Variants in DAGLB observed in about 807,000 individuals in gnomAD.
DAGLB encodes the protein diacylglycerol lipase beta.
In DAGLB, 66 loss-of-function variants were observed where a neutral mutation model predicts 72.1. The observed-to-expected ratio is 0.92, with a 90% CI of 0.75 to 1.12. DAGLB has a LOEUF of 1.12. DAGLB is among the 50% of genes most tolerant of loss of function. DAGLB has a pLI of 0.00. For missense variants in DAGLB, 1,065 were observed against 884.9 expected (o/e 1.20, Z -2.58); for synonymous variants, 414 against 359.5 (o/e 1.15, Z -1.71).
At chr7:6,412,941 T>C (rs774065317) in intron 12 of DAGLB, 25 bp downstream of exon 12, 1 of 1,613,680 alleles carries the variant, frequency 6.2e-7, no homozygotes, top group Non-Finnish European at 8.5e-7. Context: ...CCCCCAGCCC[T>C]GGGCACAGCA....
In DAGLB at chr7:6,445,945, CTT is replaced by C; in HGVS notation, c.247+6_247+7del. On this transcript the variant is annotated splice_donor_region_variant and intron_variant, in intron 2 of 14. Coordinates refer to ENST00000297056, the MANE Select transcript of DAGLB (RefSeq NM_139179.4). ...AATAGGTATCAAATAGAAAAGGCTACTTTTTACCTCTCATGCTGACACACATG... is the reference window on the plus strand; with the variant it reads ...AATAGGTATCAAATAGAAAAGGCTACTTTACCTCTCATGCTGACACACATG... The C allele has an allele frequency of 6.3e-7, 1 of 1,579,792 alleles. No homozygotes were observed. Among genetic ancestry groups the C allele is most frequent in the South Asian group, 1.2e-5 (1 of 86,818 alleles).
intron 14 of DAGLB, 43 bp downstream of exon 14, chr7:6,410,087 C>A: frequency 6.3e-7 from 1 of 1,585,328 alleles, no homozygotes; most frequent in South Asian, 1.2e-5. Flanking sequence ...GCTGACCCCG[C>A]GCTGCTCCTG....
chr7:6,417,253 T>G, intron 9 of DAGLB: 1 of 179,426 alleles, frequency 5.6e-6, no homozygotes, highest in East Asian at 1.7e-4. Flanking sequence ...GCCTGGATCC[T>G]GACTCTACTA....
intron 6 of DAGLB, among the ~76,000 whole-genome samples, chr7:6,429,109 C>T (rs1784401176): frequency 6.6e-6 from 1 of 151,956 alleles, no homozygotes. Context: ...CGGCCTGGGA[C>T]AAGATATTTA....
chr7:6,417,020 C>G (rs1320508935), intron 9 of DAGLB, 99 bp from the exon 10 acceptor site: 15 of 1,363,494 alleles, frequency 1.1e-5, no homozygotes, highest in Admixed American at 3.7e-5. Context: ...ATGTGTGAGT[C>G]TCTCCTGGGA....
Position 6,432,865 on chromosome 7 carries a change from A to C in DAGLB, c.773T>G (p.Val258Gly). ...GGAGCTCCCTGGGGCATGGCAGACCACCTGGGCAGGCTCTTGGTTGTTCCT... is the reference window on the plus strand; with the variant it reads ...GGAGCTCCCTGGGGCATGGCAGACCCCCTGGGCAGGCTCTTGGTTGTTCCT... ...NIRNNQEPAQ[V>G]VCHAPGSSQE... Residue 258 changes from valine (V) to glycine (G), a missense_variant, in exon 5 of 15, where the codon GTG (valine) becomes GGG (glycine). Val to Gly is a moderately radical substitution (Grantham distance 109). Coordinates refer to ENST00000297056, the MANE Select transcript of DAGLB (RefSeq NM_139179.4). 1 of 1,613,876 alleles carries C rather than the reference A, an allele frequency of 6.2e-7. No individual in the cohort carries two copies. Among genetic ancestry groups the C allele is most frequent in the Non-Finnish European group, 8.5e-7 (1 of 1,179,998 alleles).
chr7:6,438,488 T>C (rs923057282), intron 2 of DAGLB, among the ~76,000 whole-genome samples: 2 of 151,254 alleles, frequency 1.3e-5, no homozygotes, highest in Admixed American at 1.3e-4. Flanking sequence ...GGTGCAGGTA[T>C]GTGGAAAAAA....
intron 5 of DAGLB, among the ~76,000 whole-genome samples, 160 bp downstream of exon 5, chr7:6,432,677 A>G (rs1383560481): frequency 2.5e-4 from 15 of 60,734 alleles, no homozygotes; most frequent in East Asian, 4.3e-4. Context: ...AAAAAAAAAA[A>G]GGTGGGAGAG....
chr7:6,416,591 G>C (rs775666265), intron 11 of DAGLB, 36 bp downstream of exon 11: 2 of 1,559,684 alleles, frequency 1.3e-6, no homozygotes, highest in African/African-American at 2.8e-5. Context: ...TGACTTGTAA[G>C]TAGCAAGCTG....
chr7:6,425,253 G>A (rs1320784244), intron 7 of DAGLB, among the ~76,000 whole-genome samples: 2 of 152,152 alleles, frequency 1.3e-5, no homozygotes, highest in Non-Finnish European at 2.9e-5. Flanking sequence ...CACTGAACAC[G>A]CAGCACTGCA....
At chr7:6,418,002 C>T (rs1313759789) in intron 9 of DAGLB, among the ~76,000 whole-genome samples, 1 of 152,034 alleles carries the variant, frequency 6.6e-6, no homozygotes, top group African/African-American at 2.4e-5. Context: ...TCCTGAGTAA[C>T]TGGGATTACA....
intron 2 of DAGLB, 82 bp from the exon 3 acceptor site, chr7:6,436,615 C>CA (rs1784667416): frequency 1.3e-6 from 2 of 1,577,842 alleles, no homozygotes; most frequent in African/African-American, 2.7e-5. Flanking sequence ...ACAGCTTTTG[C>CA]AGAGCATACA....
In DAGLB at chr7:6,412,853, C is replaced by T. The variant is rs1562477542; in HGVS notation, c.1527G>A (p.Lys509=). The T allele has an allele frequency of 1.2e-6, 2 of 1,604,944 alleles. No homozygotes were observed. The highest frequency in any genetic ancestry group is 2.2e-5 in the South Asian group (2 of 89,786). ...GCGCGACCACTCGCAAGATTCTTCTCTTCAGATCTTCCAAGTTGGTCACAC... is the reference window on the plus strand; with the variant it reads ...GCGCGACCACTCGCAAGATTCTTCTTTTCAGATCTTCCAAGTTGGTCACAC... The part of the protein sequence containing the change: ...RLSVTNLEDL[K]RRILRVVAHC... The change falls in exon 13 of 15, where the codon AAG becomes AAA. Residue 509 remains lysine (K), a synonymous_variant. Coordinates refer to ENST00000297056, the MANE Select transcript of DAGLB (RefSeq NM_139179.4).
chr7:6,420,175 C>T (rs886403470), intron 9 of DAGLB, among the ~76,000 whole-genome samples: 4 of 151,938 alleles, frequency 2.6e-5, no homozygotes, highest in Non-Finnish European at 5.9e-5. Context: ...GGTGCGGTGG[C>T]TTATGCCTGT....
chr7:6,427,535 G>T (rs1784350714), intron 6 of DAGLB, among the ~76,000 whole-genome samples: 1 of 152,132 alleles, frequency 6.6e-6, no homozygotes, highest in Admixed American at 6.6e-5. Context: ...GTGCATGCCT[G>T]TAGTCCCAGC....
At chr7:6,444,587 G>A (rs894435634) in intron 2 of DAGLB, among the ~76,000 whole-genome samples, 14 of 152,098 alleles carry the variant, frequency 9.2e-5, no homozygotes, top group Non-Finnish European at 1.9e-4. Flanking sequence ...GCGCAGCGGA[G>A]GGAGACTCTA....
intron 9 of DAGLB, chr7:6,417,185 A>G (rs1242407030): frequency 2.2e-5 from 9 of 406,224 alleles, no homozygotes; most frequent in Non-Finnish European, 4.1e-5. Context: ...ACTTGAGCCC[A>G]GGAGTTCAAG....
At chr7:6,441,998 G>A (rs1784850374) in intron 2 of DAGLB, among the ~76,000 whole-genome samples, 1 of 151,980 alleles carries the variant, frequency 6.6e-6, no homozygotes, top group South Asian at 2.1e-4. Flanking sequence ...AGCTTGCCCT[G>A]CGCTGTGAGT....
chr7:6,434,910 T>C lies in DAGLB; in HGVS notation c.530A>G (p.Asp177Gly), dbSNP rs1241546776. ...GAGGCCATTAAGTAACTGGCTTGAA[T>C]CATGACTATCCAGGTGGCTGGGGCC... is the stretch of plus-strand genomic sequence containing the variant. Reference protein sequence around the residue: ...SAGPSHLDSHDSSQLLNGLKT... With the variant: ...SAGPSHLDSHGSSQLLNGLKT... The change falls in exon 4 of 15, where the codon GAT becomes GGT. Residue 177 changes from aspartate to glycine, a missense_variant. Asp to Gly is a moderately conservative substitution (Grantham distance 94). Transcript: ENST00000297056. 1.9e-6 allele frequency: 3 copies of C among 1,614,026 alleles called. No individual in the cohort carries two copies. In the Admixed American group the frequency reaches 5.0e-5, roughly 27 times the overall value.
Sources: gnomAD v4.1 joint callset for allele counts (sites outside exome capture counted in the v4.1 genomes callset) on GRCh38, gnomAD v4.1.1 for gene constraint, MANE v1.5 for transcripts, NCBI Gene and HGNC (gene_info 2026-07-23, HGNC 2026-07-21) for gene names.